Variants in TTI1 observed in about 807,000 individuals in gnomAD.
TTI1 encodes the protein TELO2 interacting protein 1.
In TTI1, 52 loss-of-function variants were observed where a neutral mutation model predicts 85.4. The ratio of observed to expected loss-of-function variants is 0.61; its 90% CI spans 0.49 to 0.77. TTI1 has a LOEUF of 0.77. TTI1 is among the 30% of genes least tolerant of loss of function. The pLI, the probability that TTI1 is intolerant of heterozygous loss-of-function variation, is 0.00. For synonymous variants in TTI1, 512 were observed against 503.9 expected (o/e 1.02, Z -0.22); for missense variants, 1,173 against 1,296.0 (o/e 0.91, Z 1.46).
chr20:38,015,388 T>C (rs1037436600), intron 1 of TTI1, among the ~76,000 whole-genome samples: 20 of 152,218 alleles, frequency 1.3e-4, no homozygotes, highest in African/African-American at 4.8e-4. Flanking sequence ...GCTAGAAAAA[T>C]GCCACGCGTG....
At chr20:38,020,327 T>TATATAA (rs2122628551) in intron 1 of TTI1, among the ~76,000 whole-genome samples, 1 of 71,150 alleles carries the variant, frequency 1.4e-5, no homozygotes, top group South Asian at 5.1e-4. Context: ...AAAAAAAATA[T>TATATAA]ATATATATAT....
intron 1 of TTI1, among the ~76,000 whole-genome samples, chr20:38,017,437 C>T (rs553522282): frequency 0.034 from 3,548 of 104,390 alleles, 137 homozygotes; most frequent in African/African-American, 0.14. Flanking sequence ...TGTGTGTGTG[C>T]GCGCGCGCCT....
At chr20:37,990,685 C>G (rs1307697430) in intron 7 of TTI1, among the ~76,000 whole-genome samples, 1 of 152,178 alleles carries the variant, frequency 6.6e-6, no homozygotes. Flanking sequence ...GATGACAGAG[C>G]CTGCAGAATG....
At chr20:38,006,469 G>A in intron 2 of TTI1, 72 bp from the exon 3 acceptor site, 1 of 1,549,172 alleles carries the variant, frequency 6.5e-7, no homozygotes, top group Non-Finnish European at 8.9e-7. Flanking sequence ...CACAGAATAA[G>A]CTCTCTGCCC....
Position 37,983,102 on chromosome 20 carries a change from T to C in TTI1, c.*354A>G, listed in dbSNP as rs2073143451. On this transcript the variant is annotated 3_prime_UTR_variant, in exon 8 of 8. Coordinates refer to ENST00000373447, the MANE Select transcript of TTI1 (RefSeq NM_001303457.2). ...GTAAAACAAATTAGTTCCATCTCAT[T>C]ATTTGAAGACAGGGAGGTGTATGCA... The C allele has an allele frequency of 6.0e-6, 1 of 167,866 alleles. No homozygotes were observed. Among genetic ancestry groups the C allele is most frequent in the Non-Finnish European group, 1.3e-5 (1 of 77,796 alleles). 10.4% of individuals were successfully genotyped at this position (167,866 alleles called of 1,614,324 possible). A position where few individuals can be genotyped will look rare whatever the true frequency, so the allele number is the denominator to read the frequency against.
chr20:38,005,269 C>T (rs2073479771), intron 3 of TTI1, among the ~76,000 whole-genome samples: 1 of 152,186 alleles, frequency 6.6e-6, no homozygotes, highest in Non-Finnish European at 1.5e-5. Flanking sequence ...GACCACCAAG[C>T]TCATTATGAC....
chr20:38,011,402 T>C, intron 2 of TTI1, 113 bp downstream of exon 2: 1 of 1,225,442 alleles, frequency 8.2e-7, no homozygotes, highest in Non-Finnish European at 1.1e-6. Flanking sequence ...GAGAAAATGA[T>C]TAAAACGTCC....
intron 1 of TTI1, among the ~76,000 whole-genome samples, chr20:38,019,953 C>G (rs1399570438): frequency 3.3e-5 from 5 of 152,094 alleles, no homozygotes; most frequent in African/African-American, 1.2e-4. Flanking sequence ...GATTTGGTAC[C>G]ATTGGTAGAG....
chr20:37,996,723 T>C (rs556260855), intron 6 of TTI1, 26 bp downstream of exon 6: 50 of 1,585,018 alleles, frequency 3.2e-5, no homozygotes, highest in Admixed American at 8.6e-5. Context: ...AGTGTGTGTG[T>C]TCAGGTGGAA....
chr20:38,018,563 A>G (rs2073717099), intron 1 of TTI1, among the ~76,000 whole-genome samples: 1 of 152,188 alleles, frequency 6.6e-6, no homozygotes. Flanking sequence ...AATGAAAGAG[A>G]TCAACCCACA....
At chr20:38,002,333 G>A (rs1324704528) in intron 4 of TTI1, among the ~76,000 whole-genome samples, 1 of 152,168 alleles carries the variant, frequency 6.6e-6, no homozygotes, top group Non-Finnish European at 1.5e-5. Flanking sequence ...CTACATAGCT[G>A]AGAAAATAAT....
rs992174799 is a variant in TTI1, at chr20:38,025,222, C to T, written c.-42+8182G>A. Among the ~76,000 whole-genome samples the T allele has an allele frequency of 3.3e-5, 5 of 152,112 alleles. No homozygotes were observed. In the East Asian group the frequency reaches 9.6e-4, roughly 29 times the overall value. ...GAACATTATACAGAAATGTCCGAAT[C>T]TCAATATAAAAATCACTCATACCAG... On this transcript the variant is annotated intron_variant, in intron 1 of 7. Transcript: ENST00000373447.
chr20:38,002,895 C>A lies in TTI1; in HGVS notation c.2504-119G>T, dbSNP rs574868394. On this transcript the variant is annotated intron_variant, in intron 3 of 7. Coordinates refer to ENST00000373447, the MANE Select transcript of TTI1 (RefSeq NM_001303457.2). ...ATTTGGTTACAGCAGCACAAATGGACTGAGACACCTCCACTCAAGGGGGAA... is the reference window on the plus strand; with the variant it reads ...ATTTGGTTACAGCAGCACAAATGGAATGAGACACCTCCACTCAAGGGGGAA... The A allele has an allele frequency of 1.1e-5, 15 of 1,340,264 alleles. No individual in the cohort carries two copies. In the African/African-American group the frequency reaches 2.0e-4, roughly 18 times the overall value. 83.0% of individuals were successfully genotyped at this position (1,340,264 alleles called of 1,614,324 possible).
intron 1 of TTI1, among the ~76,000 whole-genome samples, chr20:38,030,690 A>G (rs1203856221): frequency 6.6e-6 from 1 of 152,016 alleles, no homozygotes; most frequent in African/African-American, 2.4e-5. Flanking sequence ...TATCATCCTC[A>G]CCTTTCAGAC....
Position 38,011,589 on chromosome 20 carries a change from G to A in TTI1, c.2228C>T (p.Ala743Val), listed in dbSNP as rs1183205743. 6.2e-7 allele frequency: 1 copy of A among 1,614,184 alleles called. No individual in the cohort carries two copies. The highest frequency in any genetic ancestry group is 1.7e-5 in the Admixed American group (1 of 60,010). The change falls in exon 2 of 8, where the codon GCC (alanine) becomes GTC (valine). Residue 743 changes from alanine (A) to valine (V), a missense_variant. Physicochemically the swap from Ala to Val is moderately conservative, Grantham distance 64. Transcript: ENST00000373447. ...LVADVVQDVL[A>V]TLDQFYDKRA... ...CTTATCGTAAAATTGGTCCAGGGTG[G>A]CCAAGACATCTTGAACCACATCTGC... is the stretch of plus-strand genomic sequence containing the variant.
At chr20:38,030,560 CA>C (rs1397363591) in intron 1 of TTI1, among the ~76,000 whole-genome samples, 1 of 151,854 alleles carries the variant, frequency 6.6e-6, no homozygotes, top group African/African-American at 2.4e-5. Context: ...CACACACACA[CA>C]CCATGATAAA....
chr20:38,019,955 T>C lies in TTI1; in HGVS notation c.-41-6098A>G, dbSNP rs189141727. 7.8e-3 allele frequency among the ~76,000 whole-genome samples: 1,190 copies of C among 152,282 alleles called. 14 individuals carry two copies. Among genetic ancestry groups the C allele is most frequent in the Non-Finnish European group, 0.013 (898 of 68,012 alleles). ...AAAATTGTCCCTGGATTTGGTACCA[T>C]TGGTAGAGTCAGCATAATCCTAATC... is the stretch of plus-strand genomic sequence containing the variant. On this transcript the variant is annotated intron_variant, in intron 1 of 7. Coordinates refer to ENST00000373447, the MANE Select transcript of TTI1 (RefSeq NM_001303457.2).
intron 7 of TTI1, among the ~76,000 whole-genome samples, chr20:37,986,892 C>T (rs2073197228): frequency 6.6e-6 from 1 of 152,198 alleles, no homozygotes; most frequent in Non-Finnish European, 1.5e-5. Context: ...TTTCTCCATA[C>T]TGACTTGGTG....
At position 38,011,995 on chromosome 20, in the gene TTI1, G is replaced by A. The variant is rs1199802313; in HGVS notation, c.1822C>T (p.Leu608=). The change falls in exon 2 of 8, where the codon CTA becomes TTA. Residue 608 remains leucine, a synonymous_variant. Coordinates refer to ENST00000373447, the MANE Select transcript of TTI1 (RefSeq NM_001303457.2). ...GTGGGACTTGGCTTTGAGAAGGCTA[G>A]AAAAGATGTAACTTGGCAGGTGTGT... The part of the protein sequence containing the change: ...GEHTCQVTSF[L]AFSKPSPTIC... 6.2e-7 allele frequency: 1 copy of A among 1,614,238 alleles called. No individual in the cohort carries two copies. The highest frequency in any genetic ancestry group is 1.7e-5 in the Admixed American group (1 of 60,032).
Sources: allele counts gnomAD v4.1 joint callset (sites outside exome capture counted in the v4.1 genomes callset), GRCh38; gene constraint gnomAD v4.1.1; transcripts MANE v1.5; gene names NCBI Gene and HGNC (gene_info 2026-07-23, HGNC 2026-07-21).